KLHL32: variants seen among roughly 807,000 people sequenced by gnomAD.
The protein encoded by KLHL32 is kelch-like protein 32.
A neutral mutation model predicts 64.8 loss-of-function variants in KLHL32; 35 were observed. The ratio of observed to expected loss-of-function variants is 0.54; its 90% CI spans 0.41 to 0.72. The LOEUF is 0.72. Among genes scored for constraint, KLHL32 ranks in the 30% least tolerant of loss-of-function variants. The pLI is 0.00. For missense variants in KLHL32, 589 were observed against 768.5 expected (o/e 0.77, Z 2.76); for synonymous variants, 259 against 281.0 (o/e 0.92, Z 0.78).
At chr6:96,930,706 G>A (rs771028449) in intron 1 of KLHL32, among the ~76,000 whole-genome samples, 5 of 151,994 alleles carry the variant, frequency 3.3e-5, no homozygotes, top group Non-Finnish European at 5.9e-5. Flanking sequence ...GATGCAGTAC[G>A]CTGCTTAGAT....
intron 10 of KLHL32, 40 bp from the exon 11 acceptor site, chr6:97,139,081 C>A: frequency 2.5e-6 from 4 of 1,573,092 alleles, no homozygotes; most frequent in South Asian, 2.4e-5. Flanking sequence ...TTTGAGCAGT[C>A]ATCTTTGATA....
intron 1 of KLHL32, among the ~76,000 whole-genome samples, chr6:96,942,367 C>A (rs1353704592): frequency 6.6e-6 from 1 of 152,220 alleles, no homozygotes; most frequent in Non-Finnish European, 1.5e-5. Context: ...GTGCATCAAG[C>A]CATCTGTGCT....
intron 6 of KLHL32, among the ~76,000 whole-genome samples, chr6:97,096,485 A>C (rs114817856): frequency 6.6e-6 from 1 of 152,236 alleles, no homozygotes; most frequent in Admixed American, 6.5e-5. Context: ...CTTTTTAAGG[A>C]TGTTAATGCC....
chr6:96,983,123 A>G (rs1040237906), intron 3 of KLHL32, among the ~76,000 whole-genome samples: 3 of 152,388 alleles, frequency 2.0e-5, no homozygotes, highest in Admixed American at 6.5e-5. Context: ...TCTTTTCTGC[A>G]TCTATTGAGA....
At chr6:97,095,676 C>T (rs1056428462) in intron 6 of KLHL32, among the ~76,000 whole-genome samples, 1 of 152,166 alleles carries the variant, frequency 6.6e-6, no homozygotes, top group Non-Finnish European at 1.5e-5. Flanking sequence ...GAACTAAACC[C>T]TCAGGAGATG....
intron 3 of KLHL32, among the ~76,000 whole-genome samples, chr6:97,032,644 AG>A (rs2128117598): frequency 6.6e-6 from 1 of 152,252 alleles, no homozygotes; most frequent in East Asian, 1.9e-4. Context: ...GGTGGCAAGC[AG>A]GCCGTCAGCA....
At chr6:97,120,705 T>C (rs1798266177) in intron 7 of KLHL32, among the ~76,000 whole-genome samples, 1 of 152,168 alleles carries the variant, frequency 6.6e-6, no homozygotes, top group Non-Finnish European at 1.5e-5. Context: ...GCCCCCTTGT[T>C]GTCCCTGGAG....
intron 6 of KLHL32, among the ~76,000 whole-genome samples, chr6:97,089,947 G>C (rs1793991727): frequency 1.3e-5 from 2 of 152,242 alleles, no homozygotes; most frequent in South Asian, 4.2e-4. Flanking sequence ...ACCTCAGCAG[G>C]GAGGGTTTCC....
At chr6:97,015,330 G>C (rs1460309342) in intron 3 of KLHL32, among the ~76,000 whole-genome samples, 1 of 152,148 alleles carries the variant, frequency 6.6e-6, no homozygotes, top group Non-Finnish European at 1.5e-5. Flanking sequence ...CAGTTTGGAG[G>C]GCTCAGAAGA....
the KLHL32 span, among the ~76,000 whole-genome samples, chr6:96,916,882 T>C: frequency 6.6e-6 from 1 of 152,292 alleles, no homozygotes; most frequent in South Asian, 2.1e-4. Flanking sequence ...AAAGGAACTG[T>C]TTTTCCATCT....
chr6:97,048,495 C>T (rs904013739), intron 4 of KLHL32, among the ~76,000 whole-genome samples: 7 of 152,184 alleles, frequency 4.6e-5, no homozygotes, highest in Non-Finnish European at 1.0e-4. Flanking sequence ...AACTATCATA[C>T]TCTGTTAAGG....
At chr6:97,115,947 G>A (rs1407217444) in intron 7 of KLHL32, among the ~76,000 whole-genome samples, 1 of 152,090 alleles carries the variant, frequency 6.6e-6, no homozygotes, top group African/African-American at 2.4e-5. Context: ...CACCTGCTCT[G>A]ACAAAATTCT....
chr6:97,125,248 C>T (rs1262513439), intron 7 of KLHL32, among the ~76,000 whole-genome samples: 1 of 152,074 alleles, frequency 6.6e-6, no homozygotes. Flanking sequence ...AATGATTGGC[C>T]TGGATAGGTT....
At chr6:97,129,717 A>G (rs1365770173) in intron 8 of KLHL32, among the ~76,000 whole-genome samples, 1 of 152,178 alleles carries the variant, frequency 6.6e-6, no homozygotes, top group Non-Finnish European at 1.5e-5. Context: ...CCCCGTCTTC[A>G]CTAAAAATAC....
At chr6:96,923,904 A>G (rs1025549310), upstream of KLHL32, among the ~76,000 whole-genome samples, 2 of 152,202 alleles carry the variant, frequency 1.3e-5, no homozygotes, top group Non-Finnish European at 2.9e-5. Flanking sequence ...GTTTCTCAGC[A>G]TGTTTTACAC....
At chr6:97,097,485 C>T (rs1795139739) in intron 6 of KLHL32, among the ~76,000 whole-genome samples, 1 of 152,132 alleles carries the variant, frequency 6.6e-6, no homozygotes, top group African/African-American at 2.4e-5. Flanking sequence ...GGATATTGCA[C>T]GGATATAGTT....
At chr6:97,062,397 G>A (rs112826526) in intron 4 of KLHL32, 1 of 152,148 alleles carries the variant, frequency 6.6e-6, no homozygotes, top group Non-Finnish European at 1.5e-5. Context: ...CACTAATTTC[G>A]TGAATGTCAG....
chr6:97,057,235 G>C (rs1452700346), intron 4 of KLHL32, among the ~76,000 whole-genome samples: 1 of 78,802 alleles, frequency 1.3e-5, no homozygotes, highest in Non-Finnish European at 2.1e-5. Context: ...CCAGGCTGGA[G>C]TGCAGTGGCG....
Position 97,114,174 on chromosome 6 carries a change from G to A in KLHL32, c.1019G>A (p.Cys340Tyr). Reference sequence around the variant, plus strand: ...ATGCCTGTGGGAAGGAGCCACCATTGTGTGGCAGTCATGGGGGACTTCCTG... The same window carrying A: ...ATGCCTGTGGGAAGGAGCCACCATTATGTGGCAGTCATGGGGGACTTCCTG... ...APMPVGRSHH[C>Y]VAVMGDFLFV... is the part of the protein sequence containing the mutation. The change falls in exon 7 of 11, where the codon TGT becomes TAT. Residue 340 changes from cysteine (C) to tyrosine (Y), a missense_variant. By Grantham distance (194) the Cys-to-Tyr change is radical. Transcript: ENST00000369261. 1 of 1,614,200 alleles carries A rather than the reference G, an allele frequency of 6.2e-7. No individual in the cohort carries two copies. The highest frequency in any genetic ancestry group is 8.5e-7 in the Non-Finnish European group (1 of 1,180,036).
Sources: gnomAD v4.1 joint callset for allele counts (sites outside exome capture counted in the v4.1 genomes callset) on GRCh38, gnomAD v4.1.1 for gene constraint, MANE v1.5 for transcripts, NCBI Gene and HGNC (gene_info 2026-07-23, HGNC 2026-07-21) for gene names.